Variants in KALRN observed in about 807,000 individuals in gnomAD.
KALRN encodes the protein kalirin.
In KALRN, 70 loss-of-function variants were observed where a neutral mutation model predicts 353.7. The observed-to-expected ratio is 0.20, with a 90% CI of 0.16 to 0.24. The LOEUF is 0.24. KALRN is among the 10% of genes least tolerant of loss of function. The pLI is 1.00. For synonymous variants in KALRN, 1,391 were observed against 1,434.8 expected, an observed-to-expected ratio of 0.97 and a Z score of 0.69; for missense variants, 2,791 against 3,756.7, an observed-to-expected ratio of 0.74 and a Z score of 6.72.
At chr3:124,181,076 C>CAAAAAAAAAAAAAAAAAAAAAA (rs60579271) in intron 1 of KALRN, among the ~76,000 whole-genome samples, 3 of 55,278 alleles carry the variant, frequency 5.4e-5, no homozygotes, top group African/African-American at 1.5e-4. Context: ...ACTAAAAATA[C>CAAAAAAAAAAAAAAAAAAAAAA]AAAAAAAAAA....
chr3:124,678,356 C>A lies in KALRN; in HGVS notation c.7317+43C>A. On this transcript the variant is annotated intron_variant, in intron 50 of 59. Coordinates refer to ENST00000682506, the MANE Select transcript of KALRN (RefSeq NM_001388419.1). Reference sequence around the variant, plus strand: ...GAGCTGCGTCCCCACCTGTCATCCACTCCCACCCTGCAGCATTCTCACAAG... The same window carrying A: ...GAGCTGCGTCCCCACCTGTCATCCAATCCCACCCTGCAGCATTCTCACAAG... The A allele has an allele frequency of 1.9e-6, 3 of 1,605,284 alleles. No individual in the cohort carries two copies. The East Asian group carries it at 6.7e-5, about 36-fold the overall frequency.
intron 1 of KALRN, among the ~76,000 whole-genome samples, chr3:124,089,539 T>C (rs1360487326): frequency 6.6e-6 from 1 of 152,086 alleles, no homozygotes; most frequent in Non-Finnish European, 1.5e-5. Context: ...ATGGAGGAAC[T>C]GCATGACTGG....
chr3:124,345,414 T>A (rs1312264313), intron 9 of KALRN, among the ~76,000 whole-genome samples: 2 of 152,298 alleles, frequency 1.3e-5, no homozygotes, highest in South Asian at 4.1e-4. Flanking sequence ...TCTCCTGATT[T>A]TTTTTGGTTG....
chr3:124,529,334 T>C (rs535648201), intron 33 of KALRN, among the ~76,000 whole-genome samples: 1 of 152,278 alleles, frequency 6.6e-6, no homozygotes, highest in South Asian at 2.1e-4. Flanking sequence ...ACCTCCCCTG[T>C]TGCAGTGCTG....
chr3:124,285,194 A>T (rs994212999), intron 5 of KALRN, among the ~76,000 whole-genome samples: 2 of 152,188 alleles, frequency 1.3e-5, no homozygotes, highest in Non-Finnish European at 2.9e-5. Context: ...GGTTTGAACA[A>T]ATGATCTGGG....
chr3:124,340,120 G>A (rs1036180083), intron 9 of KALRN, among the ~76,000 whole-genome samples: 5 of 152,278 alleles, frequency 3.3e-5, no homozygotes, highest in African/African-American at 1.2e-4. Flanking sequence ...TCAGGGGGTG[G>A]AAATAAAACA....
chr3:124,415,300 G>A (rs1014168641), intron 14 of KALRN, among the ~76,000 whole-genome samples: 1 of 152,166 alleles, frequency 6.6e-6, no homozygotes, highest in African/African-American at 2.4e-5. Flanking sequence ...AAAGCTCCTC[G>A]GGTGATTCAA....
chr3:124,381,001 G>T (rs1329274315), intron 10 of KALRN, among the ~76,000 whole-genome samples: 3 of 152,044 alleles, frequency 2.0e-5, no homozygotes, highest in Non-Finnish European at 4.4e-5. Flanking sequence ...AGACACTAAG[G>T]GAAAGAGATG....
chr3:124,178,161 T>G (rs929417198), intron 1 of KALRN, among the ~76,000 whole-genome samples: 17 of 152,214 alleles, frequency 1.1e-4, no homozygotes, highest in Non-Finnish European at 2.1e-4. Context: ...ACTAAGCAAG[T>G]GCTAAAAGGA....
chr3:124,654,212 G>A (rs1332637531), intron 38 of KALRN, among the ~76,000 whole-genome samples: 1 of 152,188 alleles, frequency 6.6e-6, no homozygotes, highest in Non-Finnish European at 1.5e-5. Flanking sequence ...ATTTGGCCTT[G>A]CCAGTTCCTT....
At chr3:124,267,792 G>A (rs1362258748) in intron 4 of KALRN, among the ~76,000 whole-genome samples, 3 of 152,196 alleles carry the variant, frequency 2.0e-5, no homozygotes, top group South Asian at 4.1e-4. Context: ...GATCATCAGA[G>A]TGAGCACTAA....
At chr3:124,079,558 G>A (rs564418893) in intron 1 of KALRN, among the ~76,000 whole-genome samples, 12 of 152,258 alleles carry the variant, frequency 7.9e-5, no homozygotes, top group Non-Finnish European at 1.8e-4. Flanking sequence ...TACCACCTGT[G>A]GGATTTGGAA....
At chr3:124,484,393 G>A (rs1486057672) in intron 28 of KALRN, among the ~76,000 whole-genome samples, 2 of 152,154 alleles carry the variant, frequency 1.3e-5, no homozygotes, top group African/African-American at 4.8e-5. Flanking sequence ...CCAAGAAGAG[G>A]CTACAGACAT....
rs376777909 is a variant in KALRN, at chr3:124,312,104, A to G, written c.1092+13191A>G. On this transcript the variant is annotated intron_variant, in intron 6 of 59. Coordinates refer to ENST00000682506, the MANE Select transcript of KALRN (RefSeq NM_001388419.1). Reference sequence around the variant, plus strand: ...TGTTGGTTGTACATATCTATATACTAAATACTAATATACTAAAAACCATTG... The same window carrying G: ...TGTTGGTTGTACATATCTATATACTGAATACTAATATACTAAAAACCATTG... Among the ~76,000 whole-genome samples, 6 of 152,338 alleles carry G rather than the reference A, an allele frequency of 3.9e-5. No individual in the cohort carries two copies. In the East Asian group the frequency reaches 5.8e-4, roughly 15 times the overall value.
intron 20 of KALRN, among the ~76,000 whole-genome samples, 180 bp from the exon 21 acceptor site, chr3:124,446,583 T>A (rs1020829727): frequency 6.6e-6 from 1 of 152,120 alleles, no homozygotes; most frequent in African/African-American, 2.4e-5. Flanking sequence ...TGCTGGTAAA[T>A]GTTCCAAAGC....
rs182439724 is a variant in KALRN, at chr3:124,245,901, C to A, written c.263+10958C>A. Among the ~76,000 whole-genome samples the A allele has an allele frequency of 1.9e-4, 29 of 152,198 alleles. No homozygotes were observed. In the East Asian group the frequency reaches 5.6e-3, roughly 29 times the overall value. On this transcript the variant is annotated intron_variant, in intron 3 of 59. Coordinates refer to ENST00000682506, the MANE Select transcript of KALRN (RefSeq NM_001388419.1). ...GAACCTTTTTTTAAAGCTGGTGGGA[C>A]AACTCACCAAATTTATTTCCAAATT...
Position 124,079,830 on chromosome 3 carries a change from A to C in KALRN, c.73+46017A>C, listed in dbSNP as rs2060448901. Among the ~76,000 whole-genome samples, 3 of 151,952 alleles carry C rather than the reference A, an allele frequency of 2.0e-5. No individual in the cohort carries two copies. The South Asian group carries it at 6.2e-4, about 32-fold the overall frequency. ...TTAAATAGAAAAGTCACTTGTATTTATTTGTCTTCATGTTTACCTCTGGAA... is the reference window on the plus strand; with the variant it reads ...TTAAATAGAAAAGTCACTTGTATTTCTTTGTCTTCATGTTTACCTCTGGAA... On this transcript the variant is annotated intron_variant, in intron 1 of 59. Coordinates refer to ENST00000682506, the MANE Select transcript of KALRN (RefSeq NM_001388419.1).
At chr3:124,289,869 C>T (rs2076276128) in intron 5 of KALRN, among the ~76,000 whole-genome samples, 1 of 152,100 alleles carries the variant, frequency 6.6e-6, no homozygotes, top group Non-Finnish European at 1.5e-5. Flanking sequence ...TGAAATAAGA[C>T]ATAGTATTAT....
chr3:124,494,470 G>A (rs747514910), intron 32 of KALRN, among the ~76,000 whole-genome samples: 7 of 152,214 alleles, frequency 4.6e-5, no homozygotes, highest in East Asian at 1.9e-4. Flanking sequence ...GGTGGGGAGC[G>A]CTGGCCCAGA....
Sources: gnomAD v4.1 joint callset for allele counts (sites outside exome capture counted in the v4.1 genomes callset) on GRCh38, gnomAD v4.1.1 for gene constraint, MANE v1.5 for transcripts, NCBI Gene and HGNC (gene_info 2026-07-23, HGNC 2026-07-21) for gene names.